The following DIP2A variants were observed in gnomAD, a reference collection of about 807,000 sequenced individuals.
The protein encoded by DIP2A is DIP2 acetate--CoA ligase A, also known as disco-interacting protein 2 homolog A.
DIP2A carries 85 observed loss-of-function variants against 177.4 expected under a neutral mutation model. That is an observed-to-expected ratio of 0.48 (90% CI 0.40 to 0.57). The LOEUF (loss-of-function observed/expected upper bound fraction) is 0.57. DIP2A is among the 20% of genes least tolerant of loss of function. The pLI is 0.00. For missense variants in DIP2A, 1,791 were observed against 2,100.2 expected (o/e 0.85, Z 2.88); for synonymous variants, 886 against 881.8 (o/e 1.00, Z -0.08).
chr21:46,571,222 G>C (rs1159128458), downstream of DIP2A, among the ~76,000 whole-genome samples: 1 of 152,190 alleles, frequency 6.6e-6, no homozygotes, highest in Non-Finnish European at 1.5e-5. Context: ...AATGCCTGAT[G>C]ATCTGAGGTG....
chr21:46,462,911 G>A (rs2054447567), intron 1 of DIP2A: 1 of 152,132 alleles, frequency 6.6e-6, no homozygotes, highest in Non-Finnish European at 1.5e-5. Flanking sequence ...ATAGTGATTG[G>A]CGTTGGCCCT....
chr21:46,550,498 G>T, intron 22 of DIP2A, 45 bp from the exon 23 acceptor site: 1 of 1,572,220 alleles, frequency 6.4e-7, no homozygotes, highest in Non-Finnish European at 8.7e-7. Flanking sequence ...CATCTCCCCA[G>T]CCTCAAGTTG....
Position 46,511,300 on chromosome 21 carries a change from G to A in DIP2A, c.905-117G>A, listed in dbSNP as rs544823502. On this transcript the variant is annotated intron_variant, in intron 7 of 37. Coordinates refer to ENST00000417564, the MANE Select transcript of DIP2A (RefSeq NM_015151.4). ...GATGCAAAAATCGAAACAAATTATT[G>A]TAAGCTTTTTTATAGTTGGGATTAA... The A allele has an allele frequency of 4.4e-5, 50 of 1,126,572 alleles. No individual in the cohort carries two copies. In the East Asian group the frequency reaches 6.5e-4, roughly 15 times the overall value. The allele number at this position is 1,126,572 out of a possible 1,614,324, so 69.8% of individuals were successfully genotyped here.
In DIP2A at chr21:46,537,532, C is replaced by G. The variant is rs772602451; in HGVS notation, c.1794C>G (p.Phe598Leu). The stretch of plus-strand genomic sequence containing the variant: ...TCTCCTGGATCCAGAAAGTGTGCTT[C>G]TATAAAGGTAACGGATACCATGGTC... ...NPLSWIQKVC[F>L]YKARAALVKS... Residue 598 changes from phenylalanine to leucine, a missense_variant, in exon 15 of 38, where the codon TTC (phenylalanine) becomes TTG (leucine). By Grantham distance (22) the Phe-to-Leu change is conservative. Transcript: ENST00000417564. This position sits in a 1 kb window ranked among gnomAD's most constrained non-coding sequence, Gnocchi z 4.1. 1 of 1,614,152 alleles carries G rather than the reference C, an allele frequency of 6.2e-7. No homozygotes were observed. Among genetic ancestry groups the G allele is most frequent in the South Asian group, 1.1e-5 (1 of 91,088 alleles).
At chr21:46,555,960 G>C (rs772107215) in intron 28 of DIP2A, 22 bp from the exon 29 acceptor site, 1 of 1,548,660 alleles carries the variant, frequency 6.5e-7, no homozygotes, top group Non-Finnish European at 8.9e-7. Flanking sequence ...CACTAATGTT[G>C]CTGGTGTCTC....
chr21:46,524,511 C>A (rs566099286), intron 8 of DIP2A, among the ~76,000 whole-genome samples: 2 of 152,170 alleles, frequency 1.3e-5, no homozygotes, highest in South Asian at 4.2e-4. Context: ...CAGTATTGTC[C>A]CTTTGGAATT....
At chr21:46,490,546 T>A in intron 2 of DIP2A, 54 bp from the exon 3 acceptor site, 1 of 1,515,516 alleles carries the variant, frequency 6.6e-7, no homozygotes, top group South Asian at 1.3e-5. Context: ...GACTTTTTCA[T>A]AATTGGAAAA....
In DIP2A at chr21:46,569,026, C is replaced by T. The variant is rs796562388; in HGVS notation, c.*1404C>T. The T allele has an allele frequency of 3.3e-5, 5 of 152,164 alleles. No homozygotes were observed. The highest frequency in any genetic ancestry group is 1.2e-4 in the African/African-American group (5 of 41,506). The allele number at this position is 152,164 out of a possible 1,614,324, so 9.4% of individuals were successfully genotyped here. On this transcript the variant is annotated 3_prime_UTR_variant, in exon 38 of 38. Coordinates refer to ENST00000417564, the MANE Select transcript of DIP2A (RefSeq NM_015151.4). ...TAAATCAAAGAAGAGAATGTAAAGT[C>T]CTTTAGTTACTTCTAAGAATTTGAA...
chr21:46,572,301 A>G (rs971443013), downstream of DIP2A, among the ~76,000 whole-genome samples: 4 of 152,194 alleles, frequency 2.6e-5, no homozygotes, highest in Non-Finnish European at 5.9e-5. Flanking sequence ...ATTGAAGAAA[A>G]ATTATGTTTA....
intron 6 of DIP2A, among the ~76,000 whole-genome samples, chr21:46,507,547 G>T (rs1256366919): frequency 1.3e-5 from 2 of 151,838 alleles, no homozygotes; most frequent in African/African-American, 4.8e-5. Flanking sequence ...TCTATTTCTG[G>T]GCTCTGGGCT....
At chr21:46,522,456 T>C (rs1274146079) in intron 8 of DIP2A, among the ~76,000 whole-genome samples, 1 of 152,100 alleles carries the variant, frequency 6.6e-6, no homozygotes, top group African/African-American at 2.4e-5. Context: ...ATTCCAAAAA[T>C]CAAAGTTCTC....
chr21:46,483,426 C>T (rs1041480876), intron 1 of DIP2A, among the ~76,000 whole-genome samples: 16 of 150,958 alleles, frequency 1.1e-4, no homozygotes, highest in African/African-American at 2.9e-4. Flanking sequence ...GCATGAGAGG[C>T]TTGGGAGGAG....
At chr21:46,572,538 GA>G (rs1413150469), downstream of DIP2A, among the ~76,000 whole-genome samples, 1 of 152,180 alleles carries the variant, frequency 6.6e-6, no homozygotes, top group Non-Finnish European at 1.5e-5. Context: ...TAGATTAATG[GA>G]TTATCATGGG....
At position 46,563,986 on chromosome 21, in the gene DIP2A, C is replaced by G; in HGVS notation, c.4164+54C>G. The G allele has an allele frequency of 6.4e-7, 1 of 1,563,850 alleles. No individual in the cohort carries two copies. The highest frequency in any genetic ancestry group is 1.2e-5 in the South Asian group (1 of 86,724). ...AGCTCTCCAGCCTCACCAGCTTCAC[C>G]TTCCTTCCCTTTTTGCTTCAGATTT... On this transcript the variant is annotated intron_variant, in intron 35 of 37. Transcript: ENST00000417564. The surrounding 1 kb of genome is among the most constrained non-coding windows in gnomAD (Gnocchi z 4.3).
intron 12 of DIP2A, 70 bp from the exon 13 acceptor site, chr21:46,534,515 C>T (rs2059482428): frequency 1.4e-6 from 2 of 1,413,434 alleles, no homozygotes; most frequent in Non-Finnish European, 2.0e-6. Flanking sequence ...GAAGATTCTA[C>T]CAGTTTCCAT....
At chr21:46,538,928 C>A (rs111238913) in intron 16 of DIP2A, 17 of 258,048 alleles carry the variant, frequency 6.6e-5, no homozygotes, top group Middle Eastern at 1.3e-3. Flanking sequence ...CCCCACCCTC[C>A]TGCCCTTTGT....
intron 20 of DIP2A, 62 bp downstream of exon 20, chr21:46,546,023 A>G: frequency 6.2e-7 from 1 of 1,610,264 alleles, no homozygotes; most frequent in Non-Finnish European, 8.5e-7. Context: ...TGGCTAAGGG[A>G]CACCTCGTTG....
chr21:46,559,244 A>G (rs1601845787), intron 32 of DIP2A: 2 of 152,182 alleles, frequency 1.3e-5, no homozygotes, highest in African/African-American at 4.8e-5. Context: ...ATTTCTTTCT[A>G]AAAACATCTT....
chr21:46,564,581 C>T (rs1464083063), intron 35 of DIP2A, among the ~76,000 whole-genome samples: 3 of 152,070 alleles, frequency 2.0e-5, no homozygotes, highest in Non-Finnish European at 4.4e-5. Flanking sequence ...GTCATGGGAG[C>T]ATAAGGACTC....
Sources: gnomAD v4.1 joint callset for allele counts (sites outside exome capture counted in the v4.1 genomes callset) on GRCh38, gnomAD v4.1.1 for gene constraint, Gnocchi (gnomAD v3.1) non-coding constraint, MANE v1.5 for transcripts, NCBI Gene and HGNC (gene_info 2026-07-23, HGNC 2026-07-21) for gene names.